NTN4: variants seen among roughly 807,000 people sequenced by gnomAD.
The protein encoded by NTN4 is netrin-4.
Under a neutral mutation model 73.6 loss-of-function variants are expected in NTN4, and 32 were observed. The observed-to-expected ratio is 0.44, with a 90% confidence interval of 0.33 to 0.58. NTN4 has a LOEUF of 0.58. NTN4 is among the 20% of genes least tolerant of loss of function. The pLI is 0.04. For missense variants in NTN4, 654 were observed against 798.3 expected (o/e 0.82, Z 2.18); for synonymous variants, 258 against 287.5 (o/e 0.90, Z 1.04).
chr12:95,690,312 T>G (rs2078392724), intron 5 of NTN4, among the ~76,000 whole-genome samples: 1 of 152,216 alleles, frequency 6.6e-6, no homozygotes, highest in African/African-American at 2.4e-5. Context: ...CTGTGCAAAT[T>G]GCTAGGGATC....
At chr12:95,723,049 G>A (rs2078661803) in intron 3 of NTN4, among the ~76,000 whole-genome samples, 2 of 148,994 alleles carry the variant, frequency 1.3e-5, no homozygotes, top group South Asian at 4.3e-4. Context: ...TTTTGCAAGT[G>A]AGCAGTACAG....
chr12:95,746,224 G>T (rs1296872565), intron 2 of NTN4, among the ~76,000 whole-genome samples: 2 of 152,186 alleles, frequency 1.3e-5, no homozygotes, highest in Non-Finnish European at 1.5e-5. Flanking sequence ...AGCAATATCT[G>T]CAGTTCCCAG....
At position 95,683,710 on chromosome 12, in the gene NTN4, C is replaced by T. The variant is rs148907075; in HGVS notation, c.1182G>A (p.Pro394=). The T allele has an allele frequency of 1.2e-3, 1,911 of 1,599,610 alleles. 4 individuals are homozygous for T. Among genetic ancestry groups the T allele is most frequent in the Middle Eastern group, 7.9e-3 (48 of 6,044 alleles). The change falls in exon 6 of 10, where the codon CCG becomes CCA. Residue 394 remains proline (P), a splice_region_variant and synonymous_variant. Transcript: ENST00000343702. ...RPFSAPDACK[P]CSCHPVGSAV... is the part of the protein sequence containing the mutation. ...CTGATCCTACTGGATGGCAGGAACA[C>T]GCTACAACAGAGAGGACACGCAAGG...
Position 95,700,310 on chromosome 12 carries a change from A to G in NTN4, c.1180+10131T>C, listed in dbSNP as rs77980244. 3.2e-3 allele frequency among the ~76,000 whole-genome samples: 488 copies of G among 152,048 alleles called. 2 individuals carry two copies. Among genetic ancestry groups the G allele is most frequent in the African/African-American group, 0.011 (467 of 41,478 alleles). ...AGCTTATGCTAGAGACAAGACTGCTATAAGCAGTGGTTTTCAAATGCTGAG... is the reference window on the plus strand; with the variant it reads ...AGCTTATGCTAGAGACAAGACTGCTGTAAGCAGTGGTTTTCAAATGCTGAG... On this transcript the variant is annotated intron_variant, in intron 5 of 9. Coordinates refer to ENST00000343702, the MANE Select transcript of NTN4 (RefSeq NM_021229.4).
chr12:95,732,224 C>CTCTT (rs201299135), intron 3 of NTN4, among the ~76,000 whole-genome samples: 2 of 141,998 alleles, frequency 1.4e-5, no homozygotes, highest in African/African-American at 4.9e-5. Context: ...CTCCCTTTCT[C>CTCTT]TCTTTCTTTC....
At chr12:95,749,177 C>T (rs563314651) in intron 2 of NTN4, among the ~76,000 whole-genome samples, 92 of 152,266 alleles carry the variant, frequency 6.0e-4, no homozygotes, top group African/African-American at 1.9e-3. Context: ...TATCTCCCTT[C>T]GCTGACTCTC....
At chr12:95,713,700 A>C (rs967283426) in intron 3 of NTN4, among the ~76,000 whole-genome samples, 2 of 152,190 alleles carry the variant, frequency 1.3e-5, no homozygotes, top group Admixed American at 1.3e-4. Flanking sequence ...AAAGTTTAGA[A>C]ATCCATAATC....
At chr12:95,681,216 A>C (rs1034789164) in intron 7 of NTN4, among the ~76,000 whole-genome samples, 1 of 150,648 alleles carries the variant, frequency 6.6e-6, no homozygotes, top group Non-Finnish European at 1.5e-5. Context: ...AAAAGAGTAG[A>C]TATCATGTGC....
At chr12:95,713,905 G>GT in intron 3 of NTN4, among the ~76,000 whole-genome samples, 1 of 152,024 alleles carries the variant, frequency 6.6e-6, no homozygotes, top group South Asian at 2.1e-4. Flanking sequence ...TGTAATTTAG[G>GT]TTTTTAAATG....
At chr12:95,768,055 C>T (rs555368165) in intron 2 of NTN4, among the ~76,000 whole-genome samples, 1 of 152,190 alleles carries the variant, frequency 6.6e-6, no homozygotes, top group African/African-American at 2.4e-5. Flanking sequence ...CGAAGCAATA[C>T]AAAGTTGTTG....
chr12:95,756,868 CCTCT>C (rs2078950808), intron 2 of NTN4, among the ~76,000 whole-genome samples: 1 of 151,950 alleles, frequency 6.6e-6, no homozygotes, highest in African/African-American at 2.4e-5. Flanking sequence ...ACTTGCCACA[CCTCT>C]CTGTCATTGC....
intron 9 of NTN4, among the ~76,000 whole-genome samples, chr12:95,663,128 GA>G (rs11410294): frequency 2.5e-4 from 38 of 150,324 alleles, no homozygotes; most frequent in African/African-American, 8.5e-4. Context: ...TTTAAAAAAA[GA>G]AAAAAAAAGA....
chr12:95,692,258 A>G (rs1276134879), intron 5 of NTN4, among the ~76,000 whole-genome samples: 1 of 151,230 alleles, frequency 6.6e-6, no homozygotes, highest in Non-Finnish European at 1.5e-5. Context: ...CTGGTCTCAA[A>G]CTCCTGACCT....
intron 2 of NTN4, among the ~76,000 whole-genome samples, chr12:95,757,422 CTTTG>C (rs755668922): frequency 6.6e-6 from 1 of 151,986 alleles, no homozygotes; most frequent in East Asian, 1.9e-4. Flanking sequence ...TCACAGCTGA[CTTTG>C]TTTGGTTATA....
intron 3 of NTN4, among the ~76,000 whole-genome samples, chr12:95,733,118 C>T (rs571745893): frequency 6.6e-6 from 1 of 152,336 alleles, no homozygotes; most frequent in African/African-American, 2.4e-5. Flanking sequence ...ATTCTAAGGC[C>T]TCCATGTTAT....
At chr12:95,766,052 C>T (rs1202491750) in intron 2 of NTN4, among the ~76,000 whole-genome samples, 1 of 152,130 alleles carries the variant, frequency 6.6e-6, no homozygotes, top group Non-Finnish European at 1.5e-5. Context: ...AAAATGTCAC[C>T]CATTAATACA....
intron 2 of NTN4, among the ~76,000 whole-genome samples, chr12:95,771,908 A>G (rs954954781): frequency 6.6e-6 from 1 of 152,216 alleles, no homozygotes; most frequent in East Asian, 1.9e-4. Context: ...TGAAATTGCC[A>G]TTCCCAACTT....
At chr12:95,660,607 A>G (rs1350662379) in intron 9 of NTN4, among the ~76,000 whole-genome samples, 2 of 152,234 alleles carry the variant, frequency 1.3e-5, no homozygotes, top group Non-Finnish European at 1.5e-5. Context: ...AAGAAATACA[A>G]TAATTGCCCT....
chr12:95,727,415 C>A (rs1555218043), intron 3 of NTN4, among the ~76,000 whole-genome samples: 2 of 152,034 alleles, frequency 1.3e-5, no homozygotes, highest in Non-Finnish European at 2.9e-5. Context: ...CTTTGATGCA[C>A]AAAAGTTTTT....
Sources: gnomAD v4.1 joint callset for allele counts (sites outside exome capture counted in the v4.1 genomes callset) on GRCh38, gnomAD v4.1.1 for gene constraint, MANE v1.5 for transcripts, NCBI Gene and HGNC (gene_info 2026-07-23, HGNC 2026-07-21) for gene names.